The following PRKD1 variants were observed in gnomAD, a reference collection of about 807,000 sequenced individuals.
PRKD1 encodes the protein serine/threonine-protein kinase D1.
PRKD1 carries 63 observed loss-of-function variants against 95.9 expected under a neutral mutation model. The observed-to-expected ratio is 0.66, with a 90% CI of 0.54 to 0.81. The LOEUF (loss-of-function observed/expected upper bound fraction) is 0.81. Ranked by LOEUF, PRKD1 falls within the 30% of genes least tolerant of loss-of-function variation. The pLI is 0.00. For synonymous variants in PRKD1, 425 were observed against 423.1 expected, an observed-to-expected ratio of 1.00 and a Z score of -0.05; for missense variants, 1,048 against 1,165.3, an observed-to-expected ratio of 0.90 and a Z score of 1.47.
At chr14:29,856,811 A>C (rs867291203) in intron 1 of PRKD1, among the ~76,000 whole-genome samples, 1 of 152,256 alleles carries the variant, frequency 6.6e-6, no homozygotes, top group South Asian at 2.1e-4. Flanking sequence ...ACTCCACTGG[A>C]ACTCCTGCTC....
intron 1 of PRKD1, among the ~76,000 whole-genome samples, chr14:29,912,040 T>C (rs551724493): frequency 1.3e-5 from 2 of 152,350 alleles, no homozygotes; most frequent in African/African-American, 2.4e-5. Flanking sequence ...AAAAGGGCAC[T>C]GAATCTCTCA....
chr14:29,653,989 A>G (rs1302360859), intron 4 of PRKD1, among the ~76,000 whole-genome samples: 1 of 152,032 alleles, frequency 6.6e-6, no homozygotes, highest in Non-Finnish European at 1.5e-5. Flanking sequence ...TATTGACAAC[A>G]CCTGTTGTTG....
intron 1 of PRKD1, among the ~76,000 whole-genome samples, chr14:29,740,345 C>T (rs1170834133): frequency 6.6e-6 from 1 of 152,068 alleles, no homozygotes; most frequent in African/African-American, 2.4e-5. Flanking sequence ...GCTATGACAG[C>T]AACTAAAAAA....
chr14:29,893,519 C>T (rs1210146954), intron 1 of PRKD1, among the ~76,000 whole-genome samples: 1 of 151,848 alleles, frequency 6.6e-6, no homozygotes, highest in Admixed American at 6.6e-5. Context: ...TGGAATCTTG[C>T]TCTTAATTAA....
chr14:29,718,508 T>C (rs540364802), intron 2 of PRKD1, among the ~76,000 whole-genome samples: 227 of 152,218 alleles, frequency 1.5e-3, no homozygotes, highest in African/African-American at 5.1e-3. Context: ...AATACACAGG[T>C]TTACTTGAAA....
At chr14:29,778,818 T>G (rs757350106) in intron 1 of PRKD1, among the ~76,000 whole-genome samples, 4 of 152,170 alleles carry the variant, frequency 2.6e-5, no homozygotes, top group African/African-American at 9.7e-5. Flanking sequence ...TACCAAAGCC[T>G]GGCAGAGACA....
At chr14:29,865,488 T>C (rs113707554) in intron 1 of PRKD1, among the ~76,000 whole-genome samples, 2 of 152,286 alleles carry the variant, frequency 1.3e-5, no homozygotes, top group African/African-American at 4.8e-5. Flanking sequence ...TATGTCTTTA[T>C]TGTTTGAGTT....
At chr14:29,758,677 ACTT>A (rs1382374096) in intron 1 of PRKD1, among the ~76,000 whole-genome samples, 1 of 152,208 alleles carries the variant, frequency 6.6e-6, no homozygotes, top group African/African-American at 2.4e-5. Flanking sequence ...CTTAGTCTAT[ACTT>A]CATTTTTCAA....
chr14:29,666,286 T>C (rs1386972571), intron 2 of PRKD1, 78 bp from the exon 3 acceptor site: 3 of 1,449,654 alleles, frequency 2.1e-6, no homozygotes, highest in Admixed American at 1.8e-5. Flanking sequence ...AGATAATAAA[T>C]ATGCCAGTAC....
chr14:29,900,609 G>A (rs1894288305), intron 1 of PRKD1, among the ~76,000 whole-genome samples: 1 of 151,852 alleles, frequency 6.6e-6, no homozygotes, highest in Admixed American at 6.6e-5. Flanking sequence ...CAAATATCCA[G>A]AATCAAAAAA....
intron 13 of PRKD1, among the ~76,000 whole-genome samples, chr14:29,604,980 A>C (rs1297690986): frequency 6.6e-6 from 1 of 152,136 alleles, no homozygotes; most frequent in Non-Finnish European, 1.5e-5. Flanking sequence ...CCTAGGTCAG[A>C]AACCTTGAGC....
chr14:29,660,253 A>C (rs1882118337), intron 4 of PRKD1, among the ~76,000 whole-genome samples: 1 of 152,198 alleles, frequency 6.6e-6, no homozygotes, highest in Admixed American at 6.5e-5. Flanking sequence ...TTCATCGGTT[A>C]ATTTTTCTGT....
chr14:29,743,986 G>A (rs766885951), intron 1 of PRKD1, among the ~76,000 whole-genome samples: 1 of 152,112 alleles, frequency 6.6e-6, no homozygotes, highest in Non-Finnish European at 1.5e-5. Context: ...CTAGATAGGT[G>A]CTGGAGTGTT....
At chr14:29,894,805 C>G (rs1390239844) in intron 1 of PRKD1, among the ~76,000 whole-genome samples, 1 of 152,180 alleles carries the variant, frequency 6.6e-6, no homozygotes, top group Non-Finnish European at 1.5e-5. Flanking sequence ...CACCCCTGGA[C>G]TGTGTGCTAT....
chr14:29,705,136 G>A (rs1257818988), intron 2 of PRKD1, among the ~76,000 whole-genome samples: 1 of 152,064 alleles, frequency 6.6e-6, no homozygotes, highest in Non-Finnish European at 1.5e-5. Flanking sequence ...CTCTAAAGAC[G>A]ATGATCTGAA....
chr14:29,901,384 T>A (rs1317129957), intron 1 of PRKD1, among the ~76,000 whole-genome samples: 1 of 152,152 alleles, frequency 6.6e-6, no homozygotes, highest in Non-Finnish European at 1.5e-5. Flanking sequence ...ACCTACTGAG[T>A]ACTATGCTCA....
intron 1 of PRKD1, among the ~76,000 whole-genome samples, chr14:29,826,686 C>T (rs74193610): frequency 1.5e-4 from 5 of 34,114 alleles, no homozygotes; most frequent in East Asian, 7.7e-4. Flanking sequence ...TATATATATA[C>T]ACACATATAT....
chr14:29,749,091 GC>G, intron 1 of PRKD1, among the ~76,000 whole-genome samples: 1 of 152,130 alleles, frequency 6.6e-6, no homozygotes, highest in East Asian at 1.9e-4. Flanking sequence ...TGTCTTTTAT[GC>G]TTTTCTGCAT....
At chr14:29,842,793 A>C (rs1891908441) in intron 1 of PRKD1, among the ~76,000 whole-genome samples, 1 of 152,206 alleles carries the variant, frequency 6.6e-6, no homozygotes, top group African/African-American at 2.4e-5. Flanking sequence ...GCATGAAAAT[A>C]GTCTTTCCTT....
Sources: allele counts gnomAD v4.1 joint callset (sites outside exome capture counted in the v4.1 genomes callset), GRCh38; gene constraint gnomAD v4.1.1; transcripts MANE v1.5; gene names NCBI Gene and HGNC (gene_info 2026-07-23, HGNC 2026-07-21).